The following TXLNB variants were observed in gnomAD, a reference collection of about 807,000 sequenced individuals.
TXLNB encodes beta-taxilin.
In TXLNB, 37 loss-of-function variants were observed where a neutral mutation model predicts 57.4. The observed-to-expected ratio is 0.64, with a 90% CI of 0.50 to 0.85. TXLNB has a LOEUF of 0.85. TXLNB is among the 40% of genes least tolerant of loss of function. The pLI, the probability that TXLNB is intolerant of heterozygous loss-of-function variation, is 0.00. For synonymous variants in TXLNB, 302 were observed against 309.6 expected, an observed-to-expected ratio of 0.98 and a Z score of 0.26; for missense variants, 848 against 825.6, an observed-to-expected ratio of 1.03 and a Z score of -0.33.
chr6:139,201,237 G>T, the TXLNB span, among the ~76,000 whole-genome samples: 3 of 152,128 alleles, frequency 2.0e-5, no homozygotes, highest in African/African-American at 7.2e-5. Flanking sequence ...ATTGATGGAG[G>T]CCAGTGTTTT....
At chr6:139,182,973 T>C in the TXLNB span, 1 of 152,172 alleles carries the variant, frequency 6.6e-6, no homozygotes, top group Non-Finnish European at 1.5e-5. Context: ...AATTTAGATA[T>C]CTAAATCAAG....
At chr6:139,252,038 G>A (rs1033992399) in intron 7 of TXLNB, among the ~76,000 whole-genome samples, 4 of 151,880 alleles carry the variant, frequency 2.6e-5, no homozygotes, top group Admixed American at 2.0e-4. Context: ...ATGAACACTC[G>A]ATTTTGTAGT....
At chr6:139,188,676 A>G in the TXLNB span, among the ~76,000 whole-genome samples, 1 of 152,244 alleles carries the variant, frequency 6.6e-6, no homozygotes. Context: ...CATATGTAGC[A>G]CTTTGTATGT....
intron 3 of TXLNB, among the ~76,000 whole-genome samples, chr6:139,272,965 C>T (rs1384590393): frequency 1.3e-5 from 2 of 151,694 alleles, no homozygotes; most frequent in African/African-American, 2.4e-5. Context: ...GCCTGGGAGG[C>T]GGAGGTTGCA....
the TXLNB span, among the ~76,000 whole-genome samples, chr6:139,207,721 G>A: frequency 6.6e-6 from 1 of 152,132 alleles, no homozygotes; most frequent in Admixed American, 6.5e-5. Flanking sequence ...CAACAAAATT[G>A]ATGGCCCGTT....
At chr6:139,294,922 G>A (rs1463173536), upstream of TXLNB, among the ~76,000 whole-genome samples, 1 of 152,090 alleles carries the variant, frequency 6.6e-6, no homozygotes, top group East Asian at 1.9e-4. Flanking sequence ...CCAGGAGACA[G>A]AGGTTGCAGT....
the TXLNB span, among the ~76,000 whole-genome samples, chr6:139,188,456 T>C: frequency 6.6e-6 from 1 of 152,198 alleles, no homozygotes; most frequent in African/African-American, 2.4e-5. Context: ...TCCATTTGTT[T>C]CTCTTATCTA....
At chr6:139,249,621 G>A (rs564119411) in intron 7 of TXLNB, among the ~76,000 whole-genome samples, 122 of 152,256 alleles carry the variant, frequency 8.0e-4, no homozygotes, top group African/African-American at 2.8e-3. Context: ...CTTGGGGTGT[G>A]GGTGTGAGAG....
At chr6:139,232,233 T>A in the TXLNB span, among the ~76,000 whole-genome samples, 1 of 152,142 alleles carries the variant, frequency 6.6e-6, no homozygotes. Flanking sequence ...AGAGAGCTTG[T>A]ATGAAGGAGG....
the TXLNB span, among the ~76,000 whole-genome samples, chr6:139,224,954 A>T: frequency 6.6e-6 from 1 of 152,224 alleles, no homozygotes; most frequent in African/African-American, 2.4e-5. Context: ...AAATACTAGC[A>T]AACCAAATCC....
the TXLNB span, among the ~76,000 whole-genome samples, chr6:139,161,310 G>A: frequency 6.6e-6 from 1 of 152,064 alleles, no homozygotes. Flanking sequence ...CTTTGTATTT[G>A]TTTTTGAAGC....
chr6:139,180,581 A>G, the TXLNB span: 2 of 152,636 alleles, frequency 1.3e-5, no homozygotes, highest in Non-Finnish European at 2.9e-5. Context: ...GAAAGAAAAT[A>G]TAATGGATGG....
the TXLNB span, among the ~76,000 whole-genome samples, chr6:139,322,159 C>G: frequency 1.1e-4 from 16 of 152,268 alleles, no homozygotes; most frequent in African/African-American, 3.8e-4. Flanking sequence ...GACATCTCTG[C>G]TTCGGCATTA....
At chr6:139,239,839 CTT>C (rs879829004), downstream of TXLNB, among the ~76,000 whole-genome samples, 3,698 of 149,288 alleles carry the variant, frequency 0.025, 143 homozygotes, top group African/African-American at 0.092. The surrounding 1 kb of genome is among the most constrained non-coding windows in gnomAD (Gnocchi z 4.7). Flanking sequence ...TTCTCCCTCC[CTT>C]TCTCTCTCTG....
the TXLNB span, among the ~76,000 whole-genome samples, chr6:139,318,337 AG>A: frequency 6.6e-6 from 1 of 151,854 alleles, no homozygotes; most frequent in Non-Finnish European, 1.5e-5. Context: ...GAAATTAAAA[AG>A]ATGAAAAATA....
At chr6:139,184,256 G>T in the TXLNB span, among the ~76,000 whole-genome samples, 1 of 152,236 alleles carries the variant, frequency 6.6e-6, no homozygotes, top group Admixed American at 6.5e-5. Context: ...CTCAATATAT[G>T]TATCAGTGGA....
chr6:139,317,775 A>G, the TXLNB span, among the ~76,000 whole-genome samples: 3 of 152,204 alleles, frequency 2.0e-5, no homozygotes, highest in African/African-American at 7.2e-5. Context: ...TGGAATCTAT[A>G]AAAATGATCC....
At chr6:139,182,758 T>G in the TXLNB span, among the ~76,000 whole-genome samples, 1 of 152,220 alleles carries the variant, frequency 6.6e-6, no homozygotes, top group Non-Finnish European at 1.5e-5. Context: ...TAGTAGAAAC[T>G]TTTAGCATTG....
At chr6:139,166,372 C>T in the TXLNB span, 1,291 of 1,614,158 alleles carry the variant, frequency 8.0e-4, 2 homozygotes, top group Non-Finnish European at 1.0e-3. Context: ...TGTGCAACAA[C>T]GAGCACTGCC....
Sources: gnomAD v4.1 joint callset for allele counts (sites outside exome capture counted in the v4.1 genomes callset) on GRCh38, gnomAD v4.1.1 for gene constraint, Gnocchi (gnomAD v3.1) non-coding constraint, MANE v1.5 for transcripts, NCBI Gene and HGNC (gene_info 2026-07-23, HGNC 2026-07-21) for gene names.